The following CACNG2 variants were observed in gnomAD, a reference collection of about 807,000 sequenced individuals.
CACNG2 encodes the protein voltage-dependent calcium channel gamma-2 subunit.
Under a neutral mutation model 25.9 loss-of-function variants are expected in CACNG2, and 3 were observed. The observed-to-expected ratio is 0.12, with a 90% confidence interval of 0.05 to 0.30. CACNG2 has a LOEUF of 0.30. CACNG2 is among the 10% of genes least tolerant of loss of function. The pLI is 1.00. For synonymous variants in CACNG2, 167 were observed against 173.3 expected (o/e 0.96, Z 0.29); for missense variants, 341 against 432.5 (o/e 0.79, Z 1.88).
At chr22:36,696,349 C>T (rs1937340887) in intron 1 of CACNG2, among the ~76,000 whole-genome samples, 1 of 152,136 alleles carries the variant, frequency 6.6e-6, no homozygotes, top group East Asian at 1.9e-4. Context: ...CCTTCCATCC[C>T]TCCCTCTTTT....
intron 1 of CACNG2, among the ~76,000 whole-genome samples, chr22:36,685,650 T>TTTCGAAACAGAC (rs1937186266): frequency 6.6e-6 from 1 of 151,870 alleles, no homozygotes; most frequent in East Asian, 1.9e-4. Flanking sequence ...TTGAAACAGA[T>TTTCGAAACAGAC]CTTTCCGGCC....
At chr22:36,605,083 C>CT (rs548985572) in intron 1 of CACNG2, among the ~76,000 whole-genome samples, 1 of 151,548 alleles carries the variant, frequency 6.6e-6, no homozygotes, top group Non-Finnish European at 1.5e-5. Context: ...CCCAACATAA[C>CT]TTTTTTTTTG....
At chr22:36,651,554 C>T (rs1270946793) in intron 1 of CACNG2, among the ~76,000 whole-genome samples, 1 of 152,072 alleles carries the variant, frequency 6.6e-6, no homozygotes, top group Non-Finnish European at 1.5e-5. Flanking sequence ...TAACAAGGTG[C>T]TCCATGAGTT....
In CACNG2 at chr22:36,653,394, C is replaced by T. The variant is rs1382817117; in HGVS notation, c.211+48972G>A. ...AAAAATTGGGAGATGTCACATAAAA[C>T]TTTGAATATTTGGCTTCCTTTGAAA... On this transcript the variant is annotated intron_variant, in intron 1 of 3. Coordinates refer to ENST00000300105, the MANE Select transcript of CACNG2 (RefSeq NM_006078.5). Among the ~76,000 whole-genome samples, 4 of 152,180 alleles carry T rather than the reference C, an allele frequency of 2.6e-5. No individual in the cohort carries two copies. The East Asian group carries it at 7.7e-4, about 29-fold the overall frequency.
Position 36,564,475 on chromosome 22 carries a change from G to T in CACNG2, c.848C>A (p.Thr283Lys). The change falls in exon 4 of 4, where the codon ACG becomes AAG. Residue 283 changes from threonine (T) to lysine (K), a missense_variant. By Grantham distance (78) the Thr-to-Lys change is moderately conservative. Transcript: ENST00000300105. This position sits in a 1 kb window ranked among gnomAD's most constrained non-coding sequence, Gnocchi z 6.7. Reference sequence around the variant, plus strand: ...GTCGGAGTTGTAGGTGGCGGTGGGCGTGGTGGCGGCCTTCAGGGGGTCCCT... The same window carrying T: ...GTCGGAGTTGTAGGTGGCGGTGGGCTTGGTGGCGGCCTTCAGGGGGTCCCT... Reference protein sequence around the residue: ...LSRDPLKAATTPTATYNSDRD... With the variant: ...LSRDPLKAATKPTATYNSDRD... 6.2e-7 allele frequency: 1 copy of T among 1,614,144 alleles called. No homozygotes were observed. Among genetic ancestry groups the T allele is most frequent in the Non-Finnish European group, 8.5e-7 (1 of 1,180,002 alleles).
At chr22:36,589,598 A>G (rs1024075550) in intron 1 of CACNG2, among the ~76,000 whole-genome samples, 15 of 152,208 alleles carry the variant, frequency 9.9e-5, no homozygotes, top group Non-Finnish European at 2.2e-4. Context: ...TTCTACAAGA[A>G]AAACAATTCC....
At position 36,664,087 on chromosome 22, in the gene CACNG2, A is replaced by C. The variant is rs111282277; in HGVS notation, c.211+38279T>G. On this transcript the variant is annotated intron_variant, in intron 1 of 3. Coordinates refer to ENST00000300105, the MANE Select transcript of CACNG2 (RefSeq NM_006078.5). ...TTCCTCCCCTATGGCTGGACATTAC[A>C]TGAGGGTGGCTGGCAAAACCTATAT... 5.4e-3 allele frequency among the ~76,000 whole-genome samples: 820 copies of C among 152,192 alleles called. 13 individuals are homozygous for C. Among genetic ancestry groups the C allele is most frequent in the Non-Finnish European group, 5.6e-3 (381 of 68,002 alleles).
chr22:36,648,417 C>T (rs1222922233), intron 1 of CACNG2, among the ~76,000 whole-genome samples: 1 of 152,218 alleles, frequency 6.6e-6, no homozygotes, highest in African/African-American at 2.4e-5. Flanking sequence ...CTGGGTAACA[C>T]GAAATAAACG....
intron 1 of CACNG2, among the ~76,000 whole-genome samples, chr22:36,635,874 C>T (rs1468825040): frequency 6.6e-6 from 1 of 152,178 alleles, no homozygotes. Context: ...TTCCCTTTCA[C>T]TCATCCTCAC....
chr22:36,692,332 C>T (rs1937276764), intron 1 of CACNG2, among the ~76,000 whole-genome samples: 1 of 152,176 alleles, frequency 6.6e-6, no homozygotes, highest in Admixed American at 6.5e-5. Context: ...AATATAGTGT[C>T]AGTAAGGAAG....
In CACNG2 at chr22:36,576,223, G is replaced by T. The variant is rs137958638; in HGVS notation, c.296-9730C>A. Among the ~76,000 whole-genome samples the T allele has an allele frequency of 2.2e-3, 336 of 152,328 alleles. 5 individuals are homozygous for T. Among genetic ancestry groups the T allele is most frequent in the East Asian group, 4.2e-3 (22 of 5,184 alleles). ...TAAAAAGGAATGACTAATGGCATTT[G>T]CAGCAACCTGGGTGAGATCGGAGAC... On this transcript the variant is annotated intron_variant, in intron 2 of 3. Transcript: ENST00000300105.
At chr22:36,621,646 C>G (rs1233193985) in intron 1 of CACNG2, among the ~76,000 whole-genome samples, 2 of 152,020 alleles carry the variant, frequency 1.3e-5, no homozygotes, top group Non-Finnish European at 2.9e-5. Context: ...GGCACACACA[C>G]AAACACTACT....
intron 1 of CACNG2, among the ~76,000 whole-genome samples, chr22:36,591,275 T>C (rs5995316): frequency 0.84 from 127,817 of 151,996 alleles, 53,856 homozygotes; most frequent in African/African-American, 0.88. Flanking sequence ...GTGATCCGCC[T>C]GCTTCGGCCT....
chr22:36,651,224 C>CTTTTTTTT (rs11411019), intron 1 of CACNG2, among the ~76,000 whole-genome samples: 11 of 83,136 alleles, frequency 1.3e-4, no homozygotes, highest in East Asian at 8.2e-4. Context: ...CTTCTTCCTC[C>CTTTTTTTT]TTTTTTTTTT....
intron 1 of CACNG2, among the ~76,000 whole-genome samples, chr22:36,661,748 T>C (rs1174169090): frequency 1.3e-5 from 2 of 152,028 alleles, no homozygotes; most frequent in East Asian, 1.9e-4. Context: ...AGCTCTAGGA[T>C]TGGAGGCAAG....
At chr22:36,578,380 T>C (rs2145915438) in intron 2 of CACNG2, among the ~76,000 whole-genome samples, 1 of 143,726 alleles carries the variant, frequency 7.0e-6, no homozygotes, top group East Asian at 2.0e-4. Flanking sequence ...AAAGCCGGAA[T>C]GATGGATCAT....
intron 1 of CACNG2, among the ~76,000 whole-genome samples, chr22:36,643,474 G>GTCTATCTATCTATCTA (rs66945856): frequency 3.4e-5 from 5 of 149,134 alleles, no homozygotes; most frequent in African/African-American, 7.5e-5. Context: ...CTATCTGTCT[G>GTCTATCTATCTATCTA]TCTATCTATC....
At chr22:36,652,602 G>A (rs973271793) in intron 1 of CACNG2, among the ~76,000 whole-genome samples, 5 of 152,100 alleles carry the variant, frequency 3.3e-5, no homozygotes, top group African/African-American at 1.2e-4. Flanking sequence ...TTTTCTGTGG[G>A]TGTTATCATA....
In CACNG2 at chr22:36,606,776, GTGTATGTGTTTGTA is replaced by G. The variant is rs1935840441; in HGVS notation, c.212-19242_212-19229del. Among the ~76,000 whole-genome samples the G allele has an allele frequency of 6.7e-6, 1 of 150,022 alleles. No individual in the cohort carries two copies. Among genetic ancestry groups the G allele is most frequent in the African/African-American group, 2.5e-5 (1 of 40,792 alleles). ...GCTGTGCGTGTGTGTGTGTGTGTGT[GTGTATGTGTTTGTA>G]TGTATGTGTGTGTGTATGTCTGTGT... On this transcript the variant is annotated intron_variant, in intron 1 of 3. Transcript: ENST00000300105. The surrounding 1 kb of genome is among the most constrained non-coding windows in gnomAD (Gnocchi z 5.7).
Sources: allele counts gnomAD v4.1 joint callset (sites outside exome capture counted in the v4.1 genomes callset), GRCh38; gene constraint gnomAD v4.1.1; non-coding constraint Gnocchi (gnomAD v3.1); transcripts MANE v1.5; gene names NCBI Gene and HGNC (gene_info 2026-07-23, HGNC 2026-07-21).